Variants in MXD1 observed in about 807,000 individuals in gnomAD.
MXD1 encodes the protein MAX-binding protein.
A neutral mutation model predicts 25.7 loss-of-function variants in MXD1; 9 were observed. That is an observed-to-expected ratio of 0.35 (90% confidence interval 0.21 to 0.61). The LOEUF (loss-of-function observed/expected upper bound fraction) is 0.61, where lower values mean the gene tolerates loss of function less well. MXD1 is among the 20% of genes least tolerant of loss of function. The pLI is 0.75. For synonymous variants in MXD1, 99 were observed against 113.9 expected, an observed-to-expected ratio of 0.87 and a Z score of 0.83; for missense variants, 227 against 292.4, an observed-to-expected ratio of 0.78 and a Z score of 1.63.
intron 5 of MXD1, among the ~76,000 whole-genome samples, chr2:69,937,637 C>T (rs773385966): frequency 5.9e-5 from 9 of 152,254 alleles, no homozygotes; most frequent in South Asian, 2.1e-4. Flanking sequence ...TGTTTTGAGA[C>T]GGAATCTTGC....
intron 3 of MXD1, among the ~76,000 whole-genome samples, chr2:69,932,148 T>C (rs982179186): frequency 1.3e-5 from 2 of 152,000 alleles, no homozygotes; most frequent in Non-Finnish European, 2.9e-5. Flanking sequence ...TTGTTCTGCT[T>C]GTTTTGGATC....
In MXD1 at chr2:69,938,210, G is replaced by A; in HGVS notation, c.592G>A (p.Asp198Asn). ...ERGSMQSLGSDEGYSSTSIKR... is the reference protein window; with the variant it reads ...ERGSMQSLGSNEGYSSTSIKR... ...GGGCAGCATGCAGAGCCTCGGCAGT[G>A]ATGAGGGCTATTCCAGCACCAGCAT... The change falls in exon 6 of 6, where the codon GAT becomes AAT. Residue 198 changes from aspartate to asparagine, a missense_variant. Coordinates refer to ENST00000264444, the MANE Select transcript of MXD1 (RefSeq NM_002357.4). The A allele has an allele frequency of 2.5e-6, 4 of 1,614,242 alleles. No homozygotes were observed. The highest frequency in any genetic ancestry group is 3.4e-6 in the Non-Finnish European group (4 of 1,180,046).
rs1216347145 is a variant in MXD1 at position 69,921,837 on chromosome 2, G to C, written c.203+72G>C. 20 of 1,543,512 alleles carry C rather than the reference G, an allele frequency of 1.3e-5. No homozygotes were observed. In the Admixed American group the frequency reaches 3.6e-4, roughly 28 times the overall value. ...TCTCTGTTCATGCAGTTCAAACTTG[G>C]TTGCTCTTTTTGACTCTTCCCACTA... is the stretch of plus-strand genomic sequence containing the variant. On this transcript the variant is annotated intron_variant, in intron 3 of 5. Coordinates refer to ENST00000264444, the MANE Select transcript of MXD1 (RefSeq NM_002357.4).
Position 69,939,858 on chromosome 2 carries a change from C to CCACA in MXD1, c.*1575_*1578dup, listed in dbSNP as rs1182361771. The CCACA allele has an allele frequency of 1.3e-5, 2 of 152,512 alleles. No individual in the cohort carries two copies. Among genetic ancestry groups the CCACA allele is most frequent in the African/African-American group, 4.8e-5 (2 of 41,458 alleles). 9.4% of individuals were successfully genotyped at this position (152,512 alleles called of 1,614,324 possible). On this transcript the variant is annotated 3_prime_UTR_variant, in exon 6 of 6. Transcript: ENST00000264444. ...ACGCTCCCCTGCGGTCACTCGCACA[C>CCACA]CACAGCCTGAAGCTCCCCCAGCGCC...
intron 3 of MXD1, among the ~76,000 whole-genome samples, chr2:69,928,245 A>T (rs1255766888): frequency 6.6e-6 from 1 of 152,178 alleles, no homozygotes; most frequent in East Asian, 1.9e-4. Context: ...CCACACCAAG[A>T]TAGGTGATAA....
Position 69,938,089 on chromosome 2 carries a change from C to T in MXD1, c.479-8C>T. 2 of 1,613,000 alleles carry T rather than the reference C, an allele frequency of 1.2e-6. No homozygotes were observed. Among genetic ancestry groups the T allele is most frequent in the South Asian group, 1.1e-5 (1 of 90,990 alleles). ...CATCAATGTCCTTCTCTCTTGTCCTCCCTGCAGAAGAAATCGACGTTGACG... is the reference window on the plus strand; with the variant it reads ...CATCAATGTCCTTCTCTCTTGTCCTTCCTGCAGAAGAAATCGACGTTGACG... On this transcript the variant is annotated splice_polypyrimidine_tract_variant and splice_region_variant and intron_variant, in intron 5 of 5. Transcript: ENST00000264444.
chr2:69,937,439 A>C, intron 5 of MXD1, 45 bp downstream of exon 5: 2 of 1,500,864 alleles, frequency 1.3e-6, no homozygotes, highest in Middle Eastern at 1.8e-4. Flanking sequence ...GTGCTCCCCA[A>C]CCCCAGAGCA....
intron 3 of MXD1, among the ~76,000 whole-genome samples, chr2:69,934,155 G>T (rs888724192): frequency 2.0e-5 from 3 of 152,226 alleles, no homozygotes; most frequent in Non-Finnish European, 2.9e-5. Context: ...GCAATGAATG[G>T]TTAAGTAAGA....
chr2:69,932,589 G>A (rs144674813), intron 3 of MXD1, among the ~76,000 whole-genome samples: 133 of 152,332 alleles, frequency 8.7e-4, no homozygotes, highest in African/African-American at 3.0e-3. Context: ...GAATGAACAA[G>A]TATTAGTCTC....
At chr2:69,937,179 A>C in intron 4 of MXD1, 56 bp from the exon 5 acceptor site, 2 of 1,605,858 alleles carry the variant, frequency 1.2e-6, no homozygotes, top group Non-Finnish European at 1.7e-6. Context: ...TGCGGGGGCC[A>C]TTGCCCATTT....
chr2:69,937,449 A>AG, intron 5 of MXD1, 55 bp downstream of exon 5: 1 of 1,405,458 alleles, frequency 7.1e-7, no homozygotes, highest in Non-Finnish European at 9.2e-7. Flanking sequence ...ACCCCAGAGC[A>AG]GGGGTTCAGT....
chr2:69,915,126 G>T lies in MXD1; in HGVS notation c.-205G>T, dbSNP rs763144062. 2.4e-6 allele frequency: 1 copy of T among 412,614 alleles called. No homozygotes were observed. The allele number at this position is 412,614 out of a possible 1,614,324, so 25.6% of individuals were successfully genotyped here. ...CGGCTGCTGCTCTGCTCCGGGTTCTGTCACTGTGTCGGCGGTGCCCAGCTC... is the reference window on the plus strand; with the variant it reads ...CGGCTGCTGCTCTGCTCCGGGTTCTTTCACTGTGTCGGCGGTGCCCAGCTC... On this transcript the variant is annotated 5_prime_UTR_variant, in exon 1 of 6. Transcript: ENST00000264444. This position sits in a 1 kb window ranked among gnomAD's most constrained non-coding sequence, Gnocchi z 5.8.
intron 5 of MXD1, 141 bp downstream of exon 5, chr2:69,937,535 C>T: frequency 1.3e-6 from 1 of 775,436 alleles, no homozygotes. Flanking sequence ...AGTGTGACCT[C>T]CAGTGACAGG....
intron 5 of MXD1, 104 bp from the exon 6 acceptor site, chr2:69,937,993 C>T (rs1006443456): frequency 2.4e-5 from 26 of 1,067,266 alleles, no homozygotes; most frequent in Admixed American, 7.3e-5. Context: ...GTGATCCACC[C>T]GCCTTTGCCT....
At chr2:69,923,786 G>A (rs1306173397) in intron 3 of MXD1, among the ~76,000 whole-genome samples, 1 of 152,202 alleles carries the variant, frequency 6.6e-6, no homozygotes, top group Non-Finnish European at 1.5e-5. Flanking sequence ...GTCAGTTGTG[G>A]CTTCTCTTTC....
At chr2:69,937,069 G>T (rs111432228) in intron 4 of MXD1, 166 bp from the exon 5 acceptor site, 11 of 881,900 alleles carry the variant, frequency 1.2e-5, no homozygotes, top group Non-Finnish European at 1.9e-5. Context: ...GAAGCCAGGA[G>T]TCACTGGCCA....
chr2:69,915,396 G>A lies in MXD1; in HGVS notation c.66G>A (p.Arg22=). The change falls in exon 1 of 6, where the codon CGG becomes CGA. Residue 22 remains arginine (R), a synonymous_variant. Coordinates refer to ENST00000264444, the MANE Select transcript of MXD1 (RefSeq NM_002357.4). The surrounding 1 kb of genome is among the most constrained non-coding windows in gnomAD (Gnocchi z 5.8). The stretch of plus-strand genomic sequence containing the variant: ...AGGCGGCCGACTATCTGGAGCGGCG[G>A]GAGAGAGGTGCACGGGGACGGGGAG... ...LLEAADYLER[R]EREAEHGYAS... is the part of the protein sequence containing the mutation. The A allele has an allele frequency of 7.8e-7, 1 of 1,284,010 alleles. No individual in the cohort carries two copies. Among genetic ancestry groups the A allele is most frequent in the Non-Finnish European group, 9.9e-7 (1 of 1,005,664 alleles). The allele number at this position is 1,284,010 out of a possible 1,614,324, so 79.5% of individuals were successfully genotyped here. A position where few individuals can be genotyped will look rare whatever the true frequency, so the allele number is the denominator to read the frequency against.
rs144517303 is a variant in MXD1, at chr2:69,935,408, C to G, written c.261C>G (p.Pro87=). The stretch of plus-strand genomic sequence containing the variant: ...TGAAGGGGCTGGTGCCACTTGGACC[C>G]GAATCAAGTCGACACACTACGTTGA... ...EKLKGLVPLG[P]ESSRHTTLSL... Residue 87 remains proline, a synonymous_variant, in exon 4 of 6, where the codon CCC becomes CCG. Transcript: ENST00000264444. 3.2e-5 allele frequency: 52 copies of G among 1,614,068 alleles called. 1 individual carries two copies. In the South Asian group the frequency reaches 5.4e-4, roughly 17 times the overall value.
In MXD1 at chr2:69,939,363, C is replaced by A. The variant is rs1022909322; in HGVS notation, c.*1079C>A. The A allele has an allele frequency of 2.6e-5, 4 of 152,540 alleles. No homozygotes were observed. Among genetic ancestry groups the A allele is most frequent in the African/African-American group, 9.7e-5 (4 of 41,428 alleles). The allele number at this position is 152,540 out of a possible 1,614,324, so 9.4% of individuals were successfully genotyped here. Reference sequence around the variant, plus strand: ...TATTTTTGGACACACCCAGAAACTTCTTTATGGAGGCTTTTGGGTTGATAG... The same window carrying A: ...TATTTTTGGACACACCCAGAAACTTATTTATGGAGGCTTTTGGGTTGATAG... On this transcript the variant is annotated 3_prime_UTR_variant, in exon 6 of 6. Coordinates refer to ENST00000264444, the MANE Select transcript of MXD1 (RefSeq NM_002357.4).
Sources: gnomAD v4.1 joint callset for allele counts (sites outside exome capture counted in the v4.1 genomes callset) on GRCh38, gnomAD v4.1.1 for gene constraint, Gnocchi (gnomAD v3.1) non-coding constraint, MANE v1.5 for transcripts, NCBI Gene and HGNC (gene_info 2026-07-23, HGNC 2026-07-21) for gene names.